FARS2: variants seen among roughly 807,000 people sequenced by gnomAD.
FARS2 encodes phenylalanine--tRNA ligase, mitochondrial.
FARS2 carries 40 observed loss-of-function variants against 46.4 expected under a neutral mutation model. The ratio of observed to expected loss-of-function variants is 0.86; its 90% CI spans 0.67 to 1.12. FARS2 has a LOEUF of 1.12. Ranked by LOEUF, FARS2 falls within the 50% of genes most tolerant of loss-of-function variation. The pLI, the probability that FARS2 is intolerant of heterozygous loss-of-function variation, is 0.00. For missense variants in FARS2, 513 were observed against 567.9 expected, an observed-to-expected ratio of 0.90 and a Z score of 0.98; for synonymous variants, 234 against 214.9, an observed-to-expected ratio of 1.09 and a Z score of -0.78.
chr6:5,279,403 A>G (rs574714571), intron 1 of FARS2, among the ~76,000 whole-genome samples: 34 of 150,834 alleles, frequency 2.3e-4, no homozygotes, highest in Non-Finnish European at 1.0e-4. Context: ...AGAAAAAGAA[A>G]AAAAGAAAGC....
chr6:5,659,932 A>G (rs1364576274), intron 6 of FARS2, among the ~76,000 whole-genome samples: 2 of 152,202 alleles, frequency 1.3e-5, no homozygotes, highest in Non-Finnish European at 2.9e-5. Flanking sequence ...GGGCATTTAC[A>G]TTTTAAAGTA....
intron 4 of FARS2, among the ~76,000 whole-genome samples, chr6:5,543,347 A>C (rs1770746026): frequency 6.6e-6 from 1 of 150,562 alleles, no homozygotes; most frequent in Non-Finnish European, 1.5e-5. Context: ...TTTGTGAAAC[A>C]ATTATAAGGG....
At chr6:5,728,618 A>C (rs1179220447) in intron 6 of FARS2, among the ~76,000 whole-genome samples, 2 of 152,324 alleles carry the variant, frequency 1.3e-5, no homozygotes, top group African/African-American at 4.8e-5. Context: ...AACTAGCAGC[A>C]AATTGGTTTA....
Position 5,439,099 on chromosome 6 carries a change from G to A in FARS2, c.904+7927G>A, listed in dbSNP as rs151284268. 1.2e-4 allele frequency among the ~76,000 whole-genome samples: 19 copies of A among 152,254 alleles called. No individual in the cohort carries two copies. In the East Asian group the frequency reaches 3.7e-3, roughly 29 times the overall value. On this transcript the variant is annotated intron_variant, in intron 4 of 6. Transcript: ENST00000274680. ...TAGGGGCAGCGATTCAGTTCTCAGT[G>A]TAAGTCTTTGTTGTGCTTATTTTTG...
At chr6:5,767,009 T>A (rs1398125535) in intron 6 of FARS2, among the ~76,000 whole-genome samples, 1 of 151,808 alleles carries the variant, frequency 6.6e-6, no homozygotes, top group Non-Finnish European at 1.5e-5. Context: ...TTTTTATGGC[T>A]AAATAATATT....
chr6:5,365,043 T>C (rs905074358), intron 1 of FARS2, among the ~76,000 whole-genome samples: 7 of 151,126 alleles, frequency 4.6e-5, no homozygotes, highest in African/African-American at 1.5e-4. Flanking sequence ...AGTAAGACCC[T>C]GTCTCAGAAA....
chr6:5,649,870 T>C (rs1777259818), intron 6 of FARS2, among the ~76,000 whole-genome samples: 2 of 152,136 alleles, frequency 1.3e-5, no homozygotes, highest in South Asian at 4.2e-4. Flanking sequence ...TTGAAAGCAG[T>C]AATTGTTGGT....
At chr6:5,749,236 G>A (rs531151868) in intron 6 of FARS2, among the ~76,000 whole-genome samples, 4 of 152,244 alleles carry the variant, frequency 2.6e-5, no homozygotes, top group Non-Finnish European at 5.9e-5. Context: ...AAGGGCTGTG[G>A]GGCTCCAGCT....
chr6:5,582,183 G>A (rs112056261), intron 5 of FARS2, among the ~76,000 whole-genome samples: 138 of 65,042 alleles, frequency 2.1e-3, no homozygotes, highest in African/African-American at 5.3e-3. Context: ...AGATACTTCC[G>A]GTTAATTCCT....
intron 1 of FARS2, among the ~76,000 whole-genome samples, chr6:5,327,821 C>T (rs1770505871): frequency 6.6e-6 from 1 of 152,188 alleles, no homozygotes; most frequent in Non-Finnish European, 1.5e-5. Context: ...TACCACCTGC[C>T]TCACTTGAGA....
intron 1 of FARS2, among the ~76,000 whole-genome samples, chr6:5,344,058 T>C (rs1757069127): frequency 6.6e-6 from 1 of 152,150 alleles, no homozygotes; most frequent in African/African-American, 2.4e-5. Flanking sequence ...TTCACCGCAA[T>C]GGATGCTTAG....
chr6:5,314,044 T>A lies in FARS2; in HGVS notation c.-22+52384T>A, dbSNP rs78271737. Reference sequence around the variant, plus strand: ...AGTTTATTAAGGGTCTTACGAATTATACTAAAGCATTTGGATTTTATTCAG... The same window carrying A: ...AGTTTATTAAGGGTCTTACGAATTAAACTAAAGCATTTGGATTTTATTCAG... On this transcript the variant is annotated intron_variant, in intron 1 of 6. Coordinates refer to ENST00000274680, the MANE Select transcript of FARS2 (RefSeq NM_006567.5). Among the ~76,000 whole-genome samples, 872 of 152,292 alleles carry A rather than the reference T, an allele frequency of 5.7e-3. 10 individuals are homozygous for A. The highest frequency in any genetic ancestry group is 0.02 in the African/African-American group (829 of 41,546).
chr6:5,656,363 G>T (rs925950856), intron 6 of FARS2, among the ~76,000 whole-genome samples: 1 of 152,186 alleles, frequency 6.6e-6, no homozygotes, highest in Non-Finnish European at 1.5e-5. Context: ...AGAACTGGAA[G>T]TGTAACCAGG....
At chr6:5,671,014 T>G (rs975443312) in intron 6 of FARS2, among the ~76,000 whole-genome samples, 1 of 152,238 alleles carries the variant, frequency 6.6e-6, no homozygotes, top group Non-Finnish European at 1.5e-5. Context: ...TAATGAATAA[T>G]GAGTGTCAGT....
At chr6:5,545,644 G>C (rs751915927) in intron 5 of FARS2, among the ~76,000 whole-genome samples, 2 of 152,048 alleles carry the variant, frequency 1.3e-5, no homozygotes, top group Non-Finnish European at 2.9e-5. Flanking sequence ...GGTGTGTGAT[G>C]TTCCCCTCCC....
intron 6 of FARS2, among the ~76,000 whole-genome samples, chr6:5,649,209 C>T (rs1164173496): frequency 6.6e-6 from 1 of 152,164 alleles, no homozygotes; most frequent in East Asian, 1.9e-4. Context: ...TCTGTTTGTT[C>T]TGTGCATATA....
chr6:5,709,696 GTGCGCATGCA>G (rs796804963), intron 6 of FARS2, among the ~76,000 whole-genome samples: 2 of 27,872 alleles, frequency 7.2e-5, no homozygotes, highest in East Asian at 1.6e-3. Flanking sequence ...GTGTGTGTGT[GTGCGCATGCA>G]CGTGCATGTT....
chr6:5,362,691 C>A (rs1218884902), intron 1 of FARS2, among the ~76,000 whole-genome samples: 3 of 152,064 alleles, frequency 2.0e-5, no homozygotes, highest in African/African-American at 7.2e-5. Flanking sequence ...CCTCTAAATT[C>A]CCACCAACAG....
intron 6 of FARS2, among the ~76,000 whole-genome samples, chr6:5,632,115 C>T (rs899160583): frequency 1.3e-5 from 2 of 152,096 alleles, no homozygotes; most frequent in African/African-American, 4.8e-5. Flanking sequence ...ACTTTTTCAC[C>T]CTATGCCCCA....
Sources: gnomAD v4.1 joint callset for allele counts (sites outside exome capture counted in the v4.1 genomes callset) on GRCh38, gnomAD v4.1.1 for gene constraint, MANE v1.5 for transcripts, NCBI Gene and HGNC (gene_info 2026-07-23, HGNC 2026-07-21) for gene names.